CLEC16A: variants seen among roughly 807,000 people sequenced by gnomAD.
CLEC16A encodes the protein protein CLEC16A.
In CLEC16A, 51 loss-of-function variants were observed where a neutral mutation model predicts 109.5. The ratio of observed to expected loss-of-function variants is 0.47; its 90% CI spans 0.37 to 0.59. The LOEUF is 0.59. Among genes scored for constraint, CLEC16A ranks in the 20% least tolerant of loss-of-function variants. The pLI is 0.00. For synonymous variants in CLEC16A, 673 were observed against 564.2 expected (o/e 1.19, Z -2.73); for missense variants, 1,339 against 1,394.0 (o/e 0.96, Z 0.63).
In CLEC16A at chr16:11,039,802, C is replaced by A. The variant is rs201362914; in HGVS notation, c.1586C>A (p.Ala529Glu). The A allele has an allele frequency of 6.2e-6, 10 of 1,609,054 alleles. No homozygotes were observed. The Admixed American group carries it at 1.5e-4, about 24-fold the overall frequency. The change falls in exon 14 of 24, where the codon GCG becomes GAG. Residue 529 changes from alanine (A) to glutamate (E), a missense_variant. This residue lies in a region of CLEC16A where 1,061 missense variants were observed against 1,006.8 expected (regional missense o/e 1.05). Transcript: ENST00000409790. Reference protein sequence around the residue: ...LERIQLPVPNAAEKTTYNHPL... With the variant: ...LERIQLPVPNEAEKTTYNHPL... ...CGAATCCAGCTCCCCGTGCCAAATG[C>A]GGCCGAGAAGACCACCTACAACCAC...
intron 22 of CLEC16A, among the ~76,000 whole-genome samples, chr16:11,135,907 C>G (rs892056782): frequency 2.6e-5 from 4 of 152,264 alleles, no homozygotes; most frequent in Admixed American, 6.5e-5. Flanking sequence ...ATCCTCCAGC[C>G]TCCTAGTCAA....
chr16:11,005,294 G>A (rs2044930884), intron 11 of CLEC16A, among the ~76,000 whole-genome samples: 1 of 152,158 alleles, frequency 6.6e-6, no homozygotes, highest in African/African-American at 2.4e-5. Flanking sequence ...ATTAGAGTAG[G>A]GGCTCCTGGA....
intron 3 of CLEC16A, among the ~76,000 whole-genome samples, chr16:10,966,709 T>C (rs1329750890): frequency 2.0e-5 from 3 of 152,106 alleles, no homozygotes; most frequent in Non-Finnish European, 4.4e-5. Context: ...GAATGAGTGC[T>C]CAGCAAAGGG....
chr16:11,111,405 G>A (rs948914509), intron 19 of CLEC16A, among the ~76,000 whole-genome samples: 1 of 152,148 alleles, frequency 6.6e-6, no homozygotes, highest in Non-Finnish European at 1.5e-5. Flanking sequence ...ATGGTGGATA[G>A]GTTCCAAGAG....
intron 9 of CLEC16A, among the ~76,000 whole-genome samples, chr16:10,982,031 A>G (rs2043349024): frequency 6.6e-6 from 1 of 152,244 alleles, no homozygotes; most frequent in South Asian, 2.1e-4. Context: ...ACCCTGGCCT[A>G]TGCATATGTA....
intron 4 of CLEC16A, 106 bp downstream of exon 4, chr16:10,969,415 C>A: frequency 1.2e-6 from 1 of 804,952 alleles, no homozygotes. Flanking sequence ...TGTCTGTTTA[C>A]AAAGCTCTTA....
rs1302589481 is a variant in CLEC16A, at chr16:10,993,377, A to G, written c.1072-9697A>G. On this transcript the variant is annotated intron_variant, in intron 10 of 23. Coordinates refer to ENST00000409790, the MANE Select transcript of CLEC16A (RefSeq NM_015226.3). The stretch of plus-strand genomic sequence containing the variant: ...CTGGGCAATAGAGTGAGACTGTCTA[A>G]AAAAGAAAGAAAAGAAGTCAAGCTT... Among the ~76,000 whole-genome samples, 3 of 152,234 alleles carry G rather than the reference A, an allele frequency of 2.0e-5. No homozygotes were observed. In the East Asian group the frequency reaches 5.8e-4, roughly 29 times the overall value.
intron 10 of CLEC16A, among the ~76,000 whole-genome samples, chr16:10,990,688 G>C (rs1274878863): frequency 8.5e-5 from 13 of 152,238 alleles, no homozygotes; most frequent in Admixed American, 2.0e-4. Context: ...TATCTGTCCT[G>C]CAGTGTGTGA....
At chr16:11,120,257 C>T (rs1401648502) in intron 19 of CLEC16A, among the ~76,000 whole-genome samples, 11 of 152,282 alleles carry the variant, frequency 7.2e-5, no homozygotes, top group Non-Finnish European at 1.6e-4. Flanking sequence ...AGGCGTGAGC[C>T]ACGGCACCCA....
chr16:11,021,680 C>T (rs2152805000), intron 12 of CLEC16A, among the ~76,000 whole-genome samples: 1 of 152,248 alleles, frequency 6.6e-6, no homozygotes, highest in East Asian at 1.9e-4. Context: ...TGCCTGTAGT[C>T]CCGGCTACTT....
chr16:10,966,554 A>T (rs909764544), intron 3 of CLEC16A, among the ~76,000 whole-genome samples: 1 of 152,208 alleles, frequency 6.6e-6, no homozygotes, highest in Non-Finnish European at 1.5e-5. Flanking sequence ...TTATACGTAG[A>T]TATACCCGAG....
intron 19 of CLEC16A, among the ~76,000 whole-genome samples, chr16:11,097,218 C>T (rs1022545525): frequency 6.6e-6 from 1 of 152,182 alleles, no homozygotes; most frequent in East Asian, 1.9e-4. Context: ...CCAAGTTGCC[C>T]TCCAGGAAGG....
At chr16:11,126,761 C>T (rs2052853627) in intron 22 of CLEC16A, 1 of 156,298 alleles carries the variant, frequency 6.4e-6, no homozygotes, top group African/African-American at 2.4e-5. Context: ...GACATGTCTG[C>T]TTTAAGTAAA....
chr16:10,961,157 A>G lies in CLEC16A; in HGVS notation c.210-1298A>G, dbSNP rs977372176. On this transcript the variant is annotated intron_variant, in intron 2 of 23. Coordinates refer to ENST00000409790, the MANE Select transcript of CLEC16A (RefSeq NM_015226.3). This position sits in a 1 kb window ranked among gnomAD's most constrained non-coding sequence, Gnocchi z 4.3. ...GGTGGCCCTTAGGAGTCACTGATTT[A>G]TGCAGCTTGAACTGAAGGTAGACAA... 3.3e-5 allele frequency among the ~76,000 whole-genome samples: 5 copies of G among 152,244 alleles called. No homozygotes were observed. Among genetic ancestry groups the G allele is most frequent in the African/African-American group, 1.2e-4 (5 of 41,464 alleles).
At chr16:10,989,474 A>G (rs113120936) in intron 10 of CLEC16A, among the ~76,000 whole-genome samples, 20,094 of 152,024 alleles carry the variant, frequency 0.13, 1,294 homozygotes, top group African/African-American at 0.15. Context: ...GGCTCAAACA[A>G]TTCACCCACC....
At chr16:10,973,198 A>G (rs773903744) in intron 7 of CLEC16A, 137 bp downstream of exon 7, 6 of 964,210 alleles carry the variant, frequency 6.2e-6, no homozygotes, top group African/African-American at 3.4e-5. Flanking sequence ...TCCGTACTGT[A>G]AAAGGTCCTG....
intron 19 of CLEC16A, among the ~76,000 whole-genome samples, chr16:11,112,768 G>A (rs1273977875): frequency 6.6e-6 from 1 of 152,208 alleles, no homozygotes; most frequent in African/African-American, 2.4e-5. Flanking sequence ...GGAGGGCTAT[G>A]TCACCTTTCC....
intron 22 of CLEC16A, among the ~76,000 whole-genome samples, chr16:11,158,166 G>T (rs1190823680): frequency 6.6e-6 from 1 of 152,186 alleles, no homozygotes; most frequent in Non-Finnish European, 1.5e-5. Flanking sequence ...TTGTGTGCGA[G>T]GTCACAGGGC....
intron 14 of CLEC16A, 90 bp downstream of exon 14, chr16:11,039,966 G>C: frequency 9.6e-6 from 14 of 1,460,616 alleles, no homozygotes; most frequent in Non-Finnish European, 1.3e-5. Context: ...TGCTAGGCCT[G>C]AGCCTTCTGA....
Sources: allele counts gnomAD v4.1 joint callset (sites outside exome capture counted in the v4.1 genomes callset), GRCh38; gene constraint gnomAD v4.1.1; regional missense constraint gnomAD v4.1.1; non-coding constraint Gnocchi (gnomAD v3.1); transcripts MANE v1.5; gene names NCBI Gene and HGNC (gene_info 2026-07-23, HGNC 2026-07-21).